TF: variants seen among roughly 807,000 people sequenced by gnomAD.
TF encodes the protein transferrin, also known as serotransferrin.
A neutral mutation model predicts 82.4 loss-of-function variants in TF; 55 were observed. The ratio of observed to expected loss-of-function variants is 0.67; its 90% CI spans 0.54 to 0.84. TF has a LOEUF of 0.84. Ranked by LOEUF, TF falls within the 40% of genes least tolerant of loss-of-function variation. TF has a pLI of 0.00. For synonymous variants in TF, 332 were observed against 332.6 expected (o/e 1.00, Z 0.02); for missense variants, 737 against 868.4 (o/e 0.85, Z 1.90).
the TF span, among the ~76,000 whole-genome samples, chr3:133,716,408 C>T: frequency 1.3e-5 from 2 of 152,192 alleles, no homozygotes; most frequent in Non-Finnish European, 2.9e-5. Flanking sequence ...TTAAGGGCAA[C>T]TCTATTTTTC....
the TF span, among the ~76,000 whole-genome samples, chr3:133,732,568 G>T: frequency 0.38 from 58,484 of 152,026 alleles, 11,807 homozygotes; most frequent in South Asian, 0.5. Context: ...CTGTTTGCAA[G>T]AAATCTTGCT....
At chr3:133,695,245 C>CTTTTT in the TF span, among the ~76,000 whole-genome samples, 2 of 100,338 alleles carry the variant, frequency 2.0e-5, no homozygotes, top group South Asian at 3.3e-4. Flanking sequence ...GGAGCTGGTT[C>CTTTTT]TTTTTTTTTT....
At chr3:133,766,173 G>A (rs1934121501) in intron 11 of TF, 105 bp from the exon 12 acceptor site, 3 of 1,087,756 alleles carry the variant, frequency 2.8e-6, no homozygotes, top group South Asian at 2.5e-5. Context: ...AAGACACAAT[G>A]ACTGATTGAG....
intron 3 of TF, chr3:133,754,225 G>A (rs1933760929): frequency 2.0e-6 from 1 of 491,538 alleles, no homozygotes; most frequent in African/African-American, 1.9e-5. Flanking sequence ...ACACGCTGCA[G>A]GGCCAGGGGA....
the TF span, among the ~76,000 whole-genome samples, chr3:133,714,426 TTCTC>T: frequency 1.3e-5 from 2 of 152,176 alleles, no homozygotes; most frequent in Admixed American, 6.5e-5. Flanking sequence ...CTCCAAAGTT[TTCTC>T]TCTTTCATAA....
chr3:133,727,140 G>A, the TF span, among the ~76,000 whole-genome samples: 177 of 152,286 alleles, frequency 1.2e-3, no homozygotes, highest in African/African-American at 4.0e-3. Context: ...TGTTGATTTG[G>A]GGTGGAGAGT....
At chr3:133,717,837 A>G in the TF span, among the ~76,000 whole-genome samples, 1 of 152,196 alleles carries the variant, frequency 6.6e-6, no homozygotes, top group Non-Finnish European at 1.5e-5. Context: ...TGATGTAATA[A>G]TGGTTTAAGG....
the TF span, among the ~76,000 whole-genome samples, chr3:133,678,646 G>A: frequency 2.9e-4 from 44 of 152,180 alleles, no homozygotes; most frequent in African/African-American, 1.0e-3. Flanking sequence ...TTTGTTGGCC[G>A]CATAAATGTC....
the TF span, among the ~76,000 whole-genome samples, chr3:133,687,050 A>G: frequency 6.6e-6 from 1 of 152,228 alleles, no homozygotes; most frequent in African/African-American, 2.4e-5. Flanking sequence ...TTGTAGGGAC[A>G]TGGTTGAAGC....
rs1169656304 is a variant in TF, at chr3:133,792,652, A to AT, written c.*14033dup. The AT allele has an allele frequency of 6.6e-6, 1 of 152,248 alleles. No homozygotes were observed. The highest frequency in any genetic ancestry group is 1.5e-5 in the Non-Finnish European group (1 of 68,036). 9.4% of individuals were successfully genotyped at this position (152,248 alleles called of 1,614,324 possible). On this transcript the variant is annotated 3_prime_UTR_variant, in exon 17 of 17. Transcript: ENST00000402696. ...GAGACTACTGAAGCAACAGTTTTAC[A>AT]TGCAAGTTACGTAAGAAAAGTGAAT...
At chr3:133,748,826 T>C (rs1933581338) in intron 2 of TF, among the ~76,000 whole-genome samples, 1 of 152,056 alleles carries the variant, frequency 6.6e-6, no homozygotes, top group Admixed American at 6.5e-5. Flanking sequence ...GTGACTGTTT[T>C]GAGACCCTAG....
chr3:133,682,151 A>G, the TF span, among the ~76,000 whole-genome samples: 1 of 152,208 alleles, frequency 6.6e-6, no homozygotes, highest in Non-Finnish European at 1.5e-5. Flanking sequence ...TGACTGTTAG[A>G]AGGAAAATTA....
chr3:133,729,317 T>G, the TF span, among the ~76,000 whole-genome samples: 554 of 152,312 alleles, frequency 3.6e-3, 14 homozygotes, highest in Admixed American at 0.033. Flanking sequence ...CCACCCAGTT[T>G]GAGCTTCCCA....
chr3:133,693,870 A>G, the TF span, among the ~76,000 whole-genome samples: 1 of 152,258 alleles, frequency 6.6e-6, no homozygotes, highest in African/African-American at 2.4e-5. Context: ...GTGAATTAGC[A>G]GAGCTGCGTG....
chr3:133,777,066 C>T lies in TF; in HGVS notation c.1890C>T (p.Asn630=), dbSNP rs754752269. 84 of 1,614,020 alleles carry T rather than the reference C, an allele frequency of 5.2e-5. No individual in the cohort carries two copies. Among genetic ancestry groups the T allele is most frequent in the Non-Finnish European group, 6.4e-5 (76 of 1,180,024 alleles). ...CTTGACAGCACCTATTTGGAAGCAA[C>T]GTAACTGACTGCTCGGGCAACTTTT... The part of the protein sequence containing the change: ...LRQQQHLFGS[N]VTDCSGNFCL... The change falls in exon 16 of 17, where the codon AAC becomes AAT. Residue 630 remains asparagine (N), a synonymous_variant. Coordinates refer to ENST00000402696, the MANE Select transcript of TF (RefSeq NM_001063.4).
chr3:133,732,901 T>C, the TF span, among the ~76,000 whole-genome samples: 1 of 152,184 alleles, frequency 6.6e-6, no homozygotes, highest in Non-Finnish European at 1.5e-5. Flanking sequence ...CTGTCCAACC[T>C]GAAAGTCTTG....
chr3:133,719,872 A>G, the TF span, among the ~76,000 whole-genome samples: 1 of 152,192 alleles, frequency 6.6e-6, no homozygotes, highest in Non-Finnish European at 1.5e-5. Flanking sequence ...TAGCTATTGT[A>G]AATGGAATTA....
In TF at chr3:133,790,073, G is replaced by A. The variant is rs184410921; in HGVS notation, c.*11453G>A. ...TTTAAAAGATAGTGTCTAACATTTC[G>A]GTTTACAGAGGTAATCTAGATAAAC... On this transcript the variant is annotated 3_prime_UTR_variant, in exon 17 of 17. Transcript: ENST00000402696. The A allele has an allele frequency of 6.6e-5, 10 of 151,948 alleles. No individual in the cohort carries two copies. Among genetic ancestry groups the A allele is most frequent in the Non-Finnish European group, 7.4e-5 (5 of 67,934 alleles). The allele number at this position is 151,948 out of a possible 1,614,324, so 9.4% of individuals were successfully genotyped here. A position where few individuals can be genotyped will look rare whatever the true frequency, so the allele number is the denominator to read the frequency against.
chr3:133,734,504 C>A, the TF span, among the ~76,000 whole-genome samples: 1 of 152,160 alleles, frequency 6.6e-6, no homozygotes, highest in Non-Finnish European at 1.5e-5. Context: ...TAGATAATGT[C>A]AGTAACTGGC....
Sources: gnomAD v4.1 joint callset for allele counts (sites outside exome capture counted in the v4.1 genomes callset) on GRCh38, gnomAD v4.1.1 for gene constraint, MANE v1.5 for transcripts, NCBI Gene and HGNC (gene_info 2026-07-23, HGNC 2026-07-21) for gene names.